PDCD11: variants seen among roughly 807,000 people sequenced by gnomAD.
The protein encoded by PDCD11 is protein RRP5 homolog.
PDCD11 carries 97 observed loss-of-function variants against 198.9 expected under a neutral mutation model. That is an observed-to-expected ratio of 0.49 (90% CI 0.41 to 0.58). The LOEUF is 0.58. PDCD11 is among the 20% of genes least tolerant of loss of function. The probability of loss-of-function intolerance (pLI) is 0.00; values close to 1 mark genes in which losing one functional copy is unlikely to be tolerated. For missense variants in PDCD11, 2,102 were observed against 2,312.7 expected (o/e 0.91, Z 1.87); for synonymous variants, 893 against 918.0 (o/e 0.97, Z 0.49).
chr10:103,424,290 A>C (rs1369427256), intron 19 of PDCD11, among the ~76,000 whole-genome samples: 2 of 152,158 alleles, frequency 1.3e-5, no homozygotes, highest in African/African-American at 2.4e-5. Context: ...ATATTTGGTT[A>C]TTGTCTAAAG....
At chr10:103,424,717 T>C (rs2031607499) in intron 19 of PDCD11, among the ~76,000 whole-genome samples, 1 of 152,194 alleles carries the variant, frequency 6.6e-6, no homozygotes, top group South Asian at 2.1e-4. Flanking sequence ...ATTTACTAGA[T>C]CTAGGATAGG....
chr10:103,406,252 T>G, intron 6 of PDCD11, 144 bp downstream of exon 6: 1 of 917,408 alleles, frequency 1.1e-6, no homozygotes, highest in Non-Finnish European at 1.6e-6. Context: ...TTAATCCTAG[T>G]TAATAGGAAA....
At chr10:103,415,511 C>T (rs564546570) in intron 12 of PDCD11, among the ~76,000 whole-genome samples, 9 of 152,268 alleles carry the variant, frequency 5.9e-5, no homozygotes, top group Non-Finnish European at 1.0e-4. Flanking sequence ...ACAGGTATTC[C>T]GTGCCAGTTT....
intron 8 of PDCD11, among the ~76,000 whole-genome samples, chr10:103,410,646 T>C (rs959668540): frequency 4.7e-5 from 7 of 150,416 alleles, no homozygotes; most frequent in African/African-American, 1.7e-4. Flanking sequence ...TCTTACTCTG[T>C]CACCCAGGCT....
chr10:103,398,182 A>G (rs2093447338), intron 1 of PDCD11, among the ~76,000 whole-genome samples: 1 of 152,204 alleles, frequency 6.6e-6, no homozygotes, highest in Non-Finnish European at 1.5e-5. Context: ...GCTACATTGA[A>G]TCTATAACTT....
In PDCD11 at chr10:103,445,820, A is replaced by G; in HGVS notation, c.*271A>G. ...GCAGCAGGCCCCTGGACTCCCAGAA[A>G]TGCTGAGGGTCCCTCTTCCAGGGGA... On this transcript the variant is annotated 3_prime_UTR_variant, in exon 36 of 36. Coordinates refer to ENST00000369797, the MANE Select transcript of PDCD11 (RefSeq NM_014976.2). 1 of 386,780 alleles carries G rather than the reference A, an allele frequency of 2.6e-6. No homozygotes were observed. The highest frequency in any genetic ancestry group is 4.8e-6 in the Non-Finnish European group (1 of 209,946). 24.0% of individuals were successfully genotyped at this position (386,780 alleles called of 1,614,324 possible). A position where few individuals can be genotyped will look rare whatever the true frequency, so the allele number is the denominator to read the frequency against.
At position 103,398,436 on chromosome 10, in the gene PDCD11, C is replaced by G; in HGVS notation, c.10C>G (p.Leu4Val). Residue 4 changes from leucine to valine, a missense_variant, in exon 2 of 36, where the codon CTG becomes GTG. By Grantham distance (32) the Leu-to-Val change is conservative. Coordinates refer to ENST00000369797, the MANE Select transcript of PDCD11 (RefSeq NM_014976.2). Reference sequence around the variant, plus strand: ...TTTAGGAGACCCAAACATGGCAAACCTGGAAGAAAGCTTCCCCCGAGGAGG... The same window carrying G: ...TTTAGGAGACCCAAACATGGCAAACGTGGAAGAAAGCTTCCCCCGAGGAGG... MAN[L>V]EESFPRGGTR... The G allele has an allele frequency of 2.2e-5, 35 of 1,613,222 alleles. No homozygotes were observed. Among genetic ancestry groups the G allele is most frequent in the Non-Finnish European group, 2.9e-5 (34 of 1,179,138 alleles).
At chr10:103,440,019 C>A in intron 28 of PDCD11, 151 bp downstream of exon 28, 2 of 1,017,634 alleles carry the variant, frequency 2.0e-6, no homozygotes, top group East Asian at 2.5e-5. Context: ...GGAACCTTCT[C>A]CCCCAGTGCC....
Position 103,443,196 on chromosome 10 carries a change from G to A in PDCD11, c.4987G>A (p.Ala1663Thr), listed in dbSNP as rs370784952. 3 of 1,603,148 alleles carry A rather than the reference G, an allele frequency of 1.9e-6. No individual in the cohort carries two copies. The highest frequency in any genetic ancestry group is 2.6e-6 in the Non-Finnish European group (3 of 1,172,190). The part of the protein sequence containing the change: ...EEQEKLNVWV[A>T]LLNLENMYGS... ...GCAGGAGAAGCTGAACGTGTGGGTG[G>A]CTCTGCTGAACCTGGAGAACATGTA... Residue 1663 changes from alanine to threonine, a missense_variant, in exon 33 of 36, where the codon GCT becomes ACT. Ala to Thr is a moderately conservative substitution (Grantham distance 58). Coordinates refer to ENST00000369797, the MANE Select transcript of PDCD11 (RefSeq NM_014976.2).
intron 17 of PDCD11, 115 bp from the exon 18 acceptor site, chr10:103,422,873 T>G: frequency 1.0e-6 from 1 of 993,038 alleles, no homozygotes; most frequent in Non-Finnish European, 1.4e-6. Flanking sequence ...GATTTTACCT[T>G]GTCAGTGGTT....
At position 103,445,533 on chromosome 10, in the gene PDCD11, C is replaced by T. The variant is rs778241367; in HGVS notation, c.5600C>T (p.Ser1867Leu). The change falls in exon 36 of 36, where the codon TCA (serine) becomes TTA (leucine). Residue 1867 changes from serine (S) to leucine (L), a missense_variant. By Grantham distance (145) the Ser-to-Leu change is moderately radical (BLOSUM62 -2). Transcript: ENST00000369797. ...KALEYVEAKS[S>L]VLED is the part of the protein sequence containing the mutation. ...CTGGAGTATGTGGAGGCCAAGAGCT[C>T]AGTGCTAGAGGACTAGTGGCAGGCT... The T allele has an allele frequency of 3.1e-6, 5 of 1,613,470 alleles. No homozygotes were observed. Among genetic ancestry groups the T allele is most frequent in the South Asian group, 1.1e-5 (1 of 91,054 alleles).
At chr10:103,412,579 G>A (rs2030865878) in intron 8 of PDCD11, among the ~76,000 whole-genome samples, 1 of 152,050 alleles carries the variant, frequency 6.6e-6, no homozygotes. Context: ...TGCCTGCTTC[G>A]GCCTCCCAAA....
At chr10:103,438,597 T>C in intron 26 of PDCD11, 89 bp from the exon 27 acceptor site, 1 of 1,532,344 alleles carries the variant, frequency 6.5e-7, no homozygotes, top group South Asian at 1.2e-5. Context: ...CATATTCTTA[T>C]TTACTAAGTA....
chr10:103,414,174 A>G (rs956578850), intron 10 of PDCD11, 84 bp downstream of exon 10: 2 of 1,582,192 alleles, frequency 1.3e-6, no homozygotes, highest in African/African-American at 1.4e-5. Flanking sequence ...GTGCTTGGGA[A>G]GGGTTTTCTT....
chr10:103,433,243 C>G (rs2032008564), intron 22 of PDCD11, among the ~76,000 whole-genome samples: 1 of 152,070 alleles, frequency 6.6e-6, no homozygotes, highest in African/African-American at 2.4e-5. Context: ...GCCTGTAATC[C>G]CAGCACTTTG....
intron 14 of PDCD11, among the ~76,000 whole-genome samples, 196 bp from the exon 15 acceptor site, chr10:103,418,244 G>T (rs2031225441): frequency 1.3e-5 from 2 of 152,128 alleles, no homozygotes; most frequent in African/African-American, 2.4e-5. Context: ...AGTGCGATGG[G>T]TCCACCCATG....
In PDCD11 at chr10:103,425,231, G is replaced by A; in HGVS notation, c.3011G>A (p.Arg1004Lys). ...VEGPAAKRTMRPTQKDSETVD... is the reference protein window; with the variant it reads ...VEGPAAKRTMKPTQKDSETVD... ...GGGCCGGCTGCCAAGAGGACCATGA[G>A]GCCGACCCAGAAGGACTCTGAGACA... The change falls in exon 20 of 36, where the codon AGG becomes AAG. Residue 1004 changes from arginine to lysine, a missense_variant. Transcript: ENST00000369797. The A allele has an allele frequency of 1.9e-6, 3 of 1,614,120 alleles. No homozygotes were observed. Among genetic ancestry groups the A allele is most frequent in the Middle Eastern group, 1.6e-4 (1 of 6,062 alleles).
intron 13 of PDCD11, 152 bp downstream of exon 13, chr10:103,416,894 G>A (rs577568618): frequency 8.0e-6 from 7 of 872,608 alleles, no homozygotes; most frequent in South Asian, 6.7e-5. Flanking sequence ...AGGAGACGGG[G>A]AACAGAACAG....
At chr10:103,419,844 C>A in intron 16 of PDCD11, 136 bp downstream of exon 16, 1 of 726,736 alleles carries the variant, frequency 1.4e-6, no homozygotes, top group African/African-American at 1.8e-5. Context: ...GGCTGGCTTG[C>A]AGTGGTGTGA....
Sources: gnomAD v4.1 joint callset for allele counts (sites outside exome capture counted in the v4.1 genomes callset) on GRCh38, gnomAD v4.1.1 for gene constraint, MANE v1.5 for transcripts, NCBI Gene and HGNC (gene_info 2026-07-23, HGNC 2026-07-21) for gene names.